Variants in UNC80 observed in about 807,000 individuals in gnomAD.
UNC80 encodes unc-80 subunit of NALCN channel complex.
Under a neutral mutation model 384.6 loss-of-function variants are expected in UNC80, and 164 were observed. The ratio of observed to expected loss-of-function variants is 0.43; its 90% CI spans 0.38 to 0.49. The LOEUF (loss-of-function observed/expected upper bound fraction) is 0.49, where lower values mean the gene tolerates loss of function less well. Among genes scored for constraint, UNC80 ranks in the 20% least tolerant of loss-of-function variants. The pLI, the probability that UNC80 is intolerant of heterozygous loss-of-function variation, is 0.00. For missense variants in UNC80, 3,330 were observed against 4,143.0 expected, an observed-to-expected ratio of 0.80 and a Z score of 5.39; for synonymous variants, 1,486 against 1,527.8, an observed-to-expected ratio of 0.97 and a Z score of 0.64.
At chr2:209,877,837 A>G (rs2084917777) in intron 23 of UNC80, 117 bp from the exon 24 acceptor site, 1 of 1,171,054 alleles carries the variant, frequency 8.5e-7, no homozygotes, top group South Asian at 2.1e-5. Context: ...CATACAGAAG[A>G]GGCTTATGCT....
chr2:209,793,443 T>C (rs1381336100), intron 6 of UNC80, among the ~76,000 whole-genome samples: 1 of 152,036 alleles, frequency 6.6e-6, no homozygotes, highest in African/African-American at 2.4e-5. Flanking sequence ...GGTATGGAGA[T>C]GAAAAAGAAA....
chr2:209,927,401 G>A (rs1036231598), intron 36 of UNC80, among the ~76,000 whole-genome samples: 8 of 152,088 alleles, frequency 5.3e-5, no homozygotes, highest in Non-Finnish European at 1.2e-4. Context: ...GATAAACTAA[G>A]GGAAAAGATG....
intron 45 of UNC80, 107 bp downstream of exon 45, chr2:209,943,621 G>A: frequency 5.9e-6 from 8 of 1,349,058 alleles, no homozygotes; most frequent in African/African-American, 1.5e-5. Context: ...CATCACTTGT[G>A]TTTTGGCAGA....
At chr2:209,864,693 G>T (rs1313905808) in intron 22 of UNC80, among the ~76,000 whole-genome samples, 3 of 152,226 alleles carry the variant, frequency 2.0e-5, no homozygotes, top group Non-Finnish European at 4.4e-5. Context: ...TTGGGACCAA[G>T]CTGTGCAGCT....
chr2:209,842,368 G>A lies in UNC80; in HGVS notation c.3376G>A (p.Val1126Met), dbSNP rs2124822962. Residue 1126 changes from valine to methionine, a missense_variant, in exon 21 of 65, where the codon GTG becomes ATG. This residue lies in a region of UNC80 where 801 missense variants were observed against 950.8 expected (regional missense o/e 0.84). Coordinates refer to ENST00000673920, the MANE Select transcript of UNC80 (RefSeq NM_001371986.1). The stretch of plus-strand genomic sequence containing the variant: ...TTTTCAGGTCAAATTCACTAGTGCT[G>A]TGAAGCTTTCTGAAGGTGGGCCAGG... ...QSSKVKFTSA[V>M]KLSEGGPGSG... The A allele has an allele frequency of 1.3e-6, 2 of 1,550,108 alleles. No homozygotes were observed. Among genetic ancestry groups the A allele is most frequent in the Non-Finnish European group, 1.7e-6 (2 of 1,146,226 alleles).
chr2:209,923,790 T>C (rs932361876), intron 35 of UNC80, among the ~76,000 whole-genome samples: 3 of 152,190 alleles, frequency 2.0e-5, no homozygotes, highest in Non-Finnish European at 4.4e-5. Flanking sequence ...TTTTCTTTCA[T>C]CTTATTTGTG....
chr2:209,966,308 CT>C (rs962743880), intron 51 of UNC80, among the ~76,000 whole-genome samples: 1 of 151,794 alleles, frequency 6.6e-6, no homozygotes, highest in African/African-American at 2.4e-5. Context: ...AGAATATAAG[CT>C]TTTTTTTGAG....
At chr2:209,913,775 TA>T in intron 30 of UNC80, 26 bp from the exon 31 acceptor site, 3 of 1,533,408 alleles carry the variant, frequency 2.0e-6, no homozygotes, top group Non-Finnish European at 2.6e-6. Flanking sequence ...TAAAAGATTT[TA>T]AAACATGATT....
chr2:209,837,110 T>A (rs11681277), intron 18 of UNC80, among the ~76,000 whole-genome samples: 2 of 152,084 alleles, frequency 1.3e-5, no homozygotes, highest in Non-Finnish European at 1.5e-5. Context: ...CCCTATTTTT[T>A]AAAAAAAGAA....
intron 60 of UNC80, among the ~76,000 whole-genome samples, chr2:209,983,133 C>T (rs2093200149): frequency 6.6e-6 from 1 of 152,044 alleles, no homozygotes; most frequent in Non-Finnish European, 1.5e-5. Flanking sequence ...CCTATAGATT[C>T]ATTGTAGTAC....
At chr2:209,843,238 T>C (rs551876853) in intron 21 of UNC80, among the ~76,000 whole-genome samples, 1 of 152,346 alleles carries the variant, frequency 6.6e-6, no homozygotes, top group African/African-American at 2.4e-5. Flanking sequence ...AATTAATTAG[T>C]ATAGTAGATA....
At chr2:209,955,738 T>TACACAC (rs1156428874) in intron 48 of UNC80, among the ~76,000 whole-genome samples, 25 of 53,542 alleles carry the variant, frequency 4.7e-4, no homozygotes, top group South Asian at 1.3e-3. Context: ...TATATATATA[T>TACACAC]ACACACACAC....
At chr2:209,971,852 G>A (rs1242022671) in intron 54 of UNC80, among the ~76,000 whole-genome samples, 2 of 152,202 alleles carry the variant, frequency 1.3e-5, no homozygotes, top group Non-Finnish European at 2.9e-5. Context: ...CAAGTGAGAA[G>A]TTCTGATTTT....
rs1026278966 is a variant in UNC80 at position 209,839,437 on chromosome 2, G to A, written c.3250+7G>A. On this transcript the variant is annotated splice_region_variant and intron_variant, in intron 19 of 64. Transcript: ENST00000673920. This position sits in a 1 kb window ranked among gnomAD's most constrained non-coding sequence, Gnocchi z 4.1. ...AAGCTTAAACTCCCCATAGGTAAAA[G>A]TATGTCTGTATTTGTTTATGGATTA... 3.9e-6 allele frequency: 6 copies of A among 1,551,742 alleles called. No individual in the cohort carries two copies. In the East Asian group the frequency reaches 1.2e-4, roughly 32 times the overall value.
intron 22 of UNC80, among the ~76,000 whole-genome samples, chr2:209,850,242 A>T (rs2082429602): frequency 6.6e-6 from 1 of 152,166 alleles, no homozygotes; most frequent in South Asian, 2.1e-4. Context: ...CAGGTAAATT[A>T]GGCCCACATG....
At chr2:209,823,316 G>A (rs2080271919) in intron 13 of UNC80, among the ~76,000 whole-genome samples, 1 of 152,188 alleles carries the variant, frequency 6.6e-6, no homozygotes, top group South Asian at 2.1e-4. Flanking sequence ...AGAGCTTCCA[G>A]AGCTAGAAAA....
chr2:209,775,378 G>T (rs7564369), intron 2 of UNC80, among the ~76,000 whole-genome samples: 22,176 of 152,068 alleles, frequency 0.15, 2,446 homozygotes, highest in African/African-American at 0.3. Context: ...AGTGTTCTGT[G>T]CCGGGTCATT....
At chr2:209,896,583 T>A (rs2086815875) in intron 28 of UNC80, among the ~76,000 whole-genome samples, 170 bp downstream of exon 28, 1 of 152,198 alleles carries the variant, frequency 6.6e-6, no homozygotes, top group Non-Finnish European at 1.5e-5. Context: ...AGAATTGGTA[T>A]TCTGCTGGAT....
chr2:209,978,656 C>G lies in UNC80; in HGVS notation c.9066C>G (p.Ser3022=). ...GTVWEQDSEP[S]QQASQDTLSR... ...TCTGGGAGCAGGACAGTGAGCCATCCCAGCAGGCTTCGCAGGACACCCTGA... is the reference window on the plus strand; with the variant it reads ...TCTGGGAGCAGGACAGTGAGCCATCGCAGCAGGCTTCGCAGGACACCCTGA... Residue 3022 remains serine, a synonymous_variant, in exon 59 of 65, where the codon TCC becomes TCG. Coordinates refer to ENST00000673920, the MANE Select transcript of UNC80 (RefSeq NM_001371986.1). The G allele has an allele frequency of 6.4e-7, 1 of 1,550,776 alleles. No homozygotes were observed. The highest frequency in any genetic ancestry group is 1.2e-5 in the South Asian group (1 of 83,988).
Sources: allele counts gnomAD v4.1 joint callset (sites outside exome capture counted in the v4.1 genomes callset), GRCh38; gene constraint gnomAD v4.1.1; regional missense constraint gnomAD v4.1.1; non-coding constraint Gnocchi (gnomAD v3.1); transcripts MANE v1.5; gene names NCBI Gene and HGNC (gene_info 2026-07-23, HGNC 2026-07-21).